Variants in LRP2 observed in about 807,000 individuals in gnomAD.
The protein encoded by LRP2 is low-density lipoprotein receptor-related protein 2.
LRP2 carries 172 observed loss-of-function variants against 531.0 expected under a neutral mutation model. The observed-to-expected ratio is 0.32, with a 90% CI of 0.29 to 0.37. The LOEUF (loss-of-function observed/expected upper bound fraction) is 0.37. Ranked by LOEUF, LRP2 falls within the 10% of genes least tolerant of loss-of-function variation. The pLI, the probability that LRP2 is intolerant of heterozygous loss-of-function variation, is 1.00. For synonymous variants in LRP2, 1,992 were observed against 2,027.6 expected (o/e 0.98, Z 0.47); for missense variants, 5,167 against 5,868.3 (o/e 0.88, Z 3.90).
At chr2:169,163,431 G>A (rs1467433443) in intron 62 of LRP2, among the ~76,000 whole-genome samples, 2 of 152,152 alleles carry the variant, frequency 1.3e-5, no homozygotes, top group Non-Finnish European at 2.9e-5. Flanking sequence ...AGTTTAAAAG[G>A]CTGTGAGACA....
At chr2:169,240,511 G>T in intron 25 of LRP2, among the ~76,000 whole-genome samples, 1 of 152,276 alleles carries the variant, frequency 6.6e-6, no homozygotes, top group Middle Eastern at 3.4e-3. Context: ...ATACCTGGCT[G>T]GGGTTCATCT....
chr2:169,242,961 C>T lies in LRP2; in HGVS notation c.3662G>A (p.Gly1221Asp), dbSNP rs777494229. The T allele has an allele frequency of 1.9e-6, 3 of 1,612,908 alleles. No individual in the cohort carries two copies. In the Admixed American group the frequency reaches 5.0e-5, roughly 27 times the overall value. The change falls in exon 24 of 79, where the codon GGC (glycine) becomes GAC (aspartate). Residue 1221 changes from glycine (G) to aspartate (D), a missense_variant. Gly to Asp is a moderately conservative substitution (Grantham distance 94, BLOSUM62 -1). Transcript: ENST00000649046. ...FDCSDNSDEAGCPTRPPGMCH... is the reference protein window; with the variant it reads ...FDCSDNSDEADCPTRPPGMCH... Reference sequence around the variant, plus strand: ...TCTGGGTATGTGTTACTTACGACAGCCTGCTTCATCCGAGTTGTCACTGCA... The same window carrying T: ...TCTGGGTATGTGTTACTTACGACAGTCTGCTTCATCCGAGTTGTCACTGCA...
rs1197834019 is a variant in LRP2 at position 169,327,506 on chromosome 2, C to T, written c.80-6622G>A. Among the ~76,000 whole-genome samples the T allele has an allele frequency of 5.3e-3, 644 of 122,212 alleles. 20 individuals are homozygous for T. The highest frequency in any genetic ancestry group is 0.02 in the African/African-American group (586 of 30,024). The allele number at this position is 122,212 out of a possible 152,430, so 80.2% of individuals were successfully genotyped here. On this transcript the variant is annotated intron_variant, in intron 1 of 78. Transcript: ENST00000649046. ...GAGGTGGGGGGGTCAGCCCCCCGCCCGGCCAGCCGCCCCGTCCGGGAGGGA... is the reference window on the plus strand; with the variant it reads ...GAGGTGGGGGGGTCAGCCCCCCGCCTGGCCAGCCGCCCCGTCCGGGAGGGA...
intron 33 of LRP2, 64 bp from the exon 34 acceptor site, chr2:169,220,627 AAGG>A: frequency 9.3e-7 from 1 of 1,072,012 alleles, no homozygotes; most frequent in Non-Finnish European, 1.4e-6. Flanking sequence ...AACTGAGATG[AAGG>A]AGAACTTATG....
At chr2:169,263,894 T>C (rs1450524487) in intron 16 of LRP2, among the ~76,000 whole-genome samples, 94 of 152,040 alleles carry the variant, frequency 6.2e-4, no homozygotes, top group African/African-American at 1.9e-3. Context: ...GGCACATATA[T>C]GCCATGGAAT....
intron 6 of LRP2, among the ~76,000 whole-genome samples, 182 bp downstream of exon 6, chr2:169,293,966 C>A (rs1559061374): frequency 6.6e-6 from 1 of 152,036 alleles, no homozygotes; most frequent in Non-Finnish European, 1.5e-5. Flanking sequence ...CGAGCAACAC[C>A]ACAAAGGCTT....
chr2:169,358,585 T>A (rs942338867), intron 1 of LRP2, among the ~76,000 whole-genome samples: 14 of 152,202 alleles, frequency 9.2e-5, no homozygotes, highest in African/African-American at 3.4e-4. Context: ...ACGATACAAG[T>A]TTGCTATTGC....
intron 1 of LRP2, among the ~76,000 whole-genome samples, chr2:169,324,290 C>T (rs1684985458): frequency 6.6e-6 from 1 of 152,112 alleles, no homozygotes; most frequent in Non-Finnish European, 1.5e-5. Context: ...TTGACCACTA[C>T]TCTATGTTCC....
rs574195517 is a variant in LRP2, at chr2:169,130,685, G to A, written c.13729-1601C>T. 1.1e-4 allele frequency among the ~76,000 whole-genome samples: 17 copies of A among 152,300 alleles called. No homozygotes were observed. The South Asian group carries it at 1.2e-3, about 11-fold the overall frequency. On this transcript the variant is annotated intron_variant, in intron 77 of 78. Coordinates refer to ENST00000649046, the MANE Select transcript of LRP2 (RefSeq NM_004525.3). ...TCAACCTAGGTGATCTCACCCAAGCGCCTCTACTGCTTTTAAAGCATGCTG... is the reference window on the plus strand; with the variant it reads ...TCAACCTAGGTGATCTCACCCAAGCACCTCTACTGCTTTTAAAGCATGCTG...
intron 29 of LRP2, 69 bp from the exon 30 acceptor site, chr2:169,233,657 G>T (rs1689495989): frequency 1.5e-6 from 2 of 1,324,900 alleles, no homozygotes; most frequent in Non-Finnish European, 2.2e-6. Flanking sequence ...AGTCAAAGAG[G>T]ATATCTGCTC....
chr2:169,227,364 T>G lies in LRP2; in HGVS notation c.5228-776A>C, dbSNP rs62172637. On this transcript the variant is annotated intron_variant, in intron 31 of 78. Coordinates refer to ENST00000649046, the MANE Select transcript of LRP2 (RefSeq NM_004525.3). ...AAAGTTCTCAAAACTGTCTACACAT[T>G]GTAATTTAAACATTCCCATAATATC... 3.8e-3 allele frequency among the ~76,000 whole-genome samples: 573 copies of G among 152,346 alleles called. 2 individuals carry two copies. Among genetic ancestry groups the G allele is most frequent in the Non-Finnish European group, 5.5e-3 (371 of 68,026 alleles).
chr2:169,359,751 A>G, intron 1 of LRP2, among the ~76,000 whole-genome samples: 1 of 152,188 alleles, frequency 6.6e-6, no homozygotes, highest in Middle Eastern at 3.2e-3. Context: ...TACGAGTTGC[A>G]TATTGCCCCT....
intron 1 of LRP2, among the ~76,000 whole-genome samples, chr2:169,361,002 A>G (rs1356106024): frequency 6.6e-6 from 1 of 152,154 alleles, no homozygotes; most frequent in Admixed American, 6.5e-5. Flanking sequence ...TTCCCCACCC[A>G]TCAACCCCAA....
chr2:169,294,575 T>C (rs759218706), intron 5 of LRP2, 25 bp downstream of exon 5: 4 of 1,520,876 alleles, frequency 2.6e-6, no homozygotes, highest in African/African-American at 1.4e-5. Context: ...AGCACACAAC[T>C]GCACATCTTG....
In LRP2 at chr2:169,202,827, A is replaced by C; in HGVS notation, c.8138T>G (p.Ile2713Ser). 1 of 1,614,174 alleles carries C rather than the reference A, an allele frequency of 6.2e-7. No individual in the cohort carries two copies. The highest frequency in any genetic ancestry group is 1.1e-5 in the South Asian group (1 of 91,082). ...SSFTCSNGRC[I>S]SEEWKCDNDN... Reference sequence around the variant, plus strand: ...ATTATCACACTTCCACTCTTCCGAGATGCAGCGCCCATTGGAGCAGGTGAA... The same window carrying C: ...ATTATCACACTTCCACTCTTCCGAGCTGCAGCGCCCATTGGAGCAGGTGAA... Residue 2713 changes from isoleucine to serine, a missense_variant, in exon 43 of 79, where the codon ATC becomes AGC. By Grantham distance (142) the Ile-to-Ser change is moderately radical. Coordinates refer to ENST00000649046, the MANE Select transcript of LRP2 (RefSeq NM_004525.3).
At chr2:169,295,564 C>G (rs895371306) in intron 4 of LRP2, among the ~76,000 whole-genome samples, 4 of 152,124 alleles carry the variant, frequency 2.6e-5, no homozygotes, top group Non-Finnish European at 5.9e-5. Context: ...AGGCTTTATT[C>G]TGTGGATGGT....
At position 169,206,950 on chromosome 2, in the gene LRP2, A is replaced by G. The variant is rs202118469; in HGVS notation, c.6770T>C (p.Ile2257Thr). ...YVYWVDDSLDIIARIRINGEN... is the reference protein window; with the variant it reads ...YVYWVDDSLDTIARIRINGEN... Reference sequence around the variant, plus strand: ...TCCATTGATACGAATCCTTGCAATTATATCTAAAGAATCATCAACCCAATA... The same window carrying G: ...TCCATTGATACGAATCCTTGCAATTGTATCTAAAGAATCATCAACCCAATA... Residue 2257 changes from isoleucine (I) to threonine (T), a missense_variant, in exon 39 of 79, where the codon ATA (isoleucine) becomes ACA (threonine). By Grantham distance (89) the Ile-to-Thr change is moderately conservative. This residue lies in a region of LRP2 where 2,811 missense variants were observed against 3,058.0 expected (regional missense o/e 0.92). Coordinates refer to ENST00000649046, the MANE Select transcript of LRP2 (RefSeq NM_004525.3). 6.5e-5 allele frequency: 105 copies of G among 1,614,210 alleles called. No homozygotes were observed. The highest frequency in any genetic ancestry group is 8.6e-5 in the Non-Finnish European group (102 of 1,180,044).
chr2:169,350,463 T>A (rs1164208590), intron 1 of LRP2, among the ~76,000 whole-genome samples: 4 of 151,812 alleles, frequency 2.6e-5, no homozygotes, highest in African/African-American at 7.3e-5. Context: ...CCAGGCACAG[T>A]GGTTCATGCC....
chr2:169,241,500 G>C, intron 24 of LRP2, 135 bp from the exon 25 acceptor site: 1 of 942,656 alleles, frequency 1.1e-6, no homozygotes, highest in Non-Finnish European at 1.7e-6. Flanking sequence ...AATATTTAAG[G>C]CTAAATGATA....
Sources: gnomAD v4.1 joint callset for allele counts (sites outside exome capture counted in the v4.1 genomes callset) on GRCh38, gnomAD v4.1.1 for gene constraint, gnomAD v4.1.1 regional missense constraint, MANE v1.5 for transcripts, NCBI Gene and HGNC (gene_info 2026-07-23, HGNC 2026-07-21) for gene names.